Variants in ICAM3 observed in about 807,000 individuals in gnomAD.
ICAM3 encodes the protein ICAM-3.
A neutral mutation model predicts 43.6 loss-of-function variants in ICAM3; 54 were observed. That is an observed-to-expected ratio of 1.24 (90% CI 0.99 to 1.55). The LOEUF (loss-of-function observed/expected upper bound fraction) is 1.55. Ranked by LOEUF, ICAM3 falls within the 40% of genes most tolerant of loss-of-function variation. The pLI, the probability that ICAM3 is intolerant of heterozygous loss-of-function variation, is 0.00. For missense variants in ICAM3, 715 were observed against 717.9 expected, an observed-to-expected ratio of 1.00 and a Z score of 0.05; for synonymous variants, 306 against 312.6, an observed-to-expected ratio of 0.98 and a Z score of 0.22.
chr19:10,334,499 G>C lies in ICAM3; in HGVS notation c.1192+29C>G. 1 of 1,602,144 alleles carries C rather than the reference G, an allele frequency of 6.2e-7. No homozygotes were observed. The highest frequency in any genetic ancestry group is 8.5e-7 in the Non-Finnish European group (1 of 1,172,132). On this transcript the variant is annotated intron_variant, in intron 5 of 6. Coordinates refer to ENST00000160262, the MANE Select transcript of ICAM3 (RefSeq NM_002162.5). This position sits in a 1 kb window ranked among gnomAD's most constrained non-coding sequence, Gnocchi z 5.5. ...CTAATCTTTCCAGGGCAGGGGTGGA[G>C]GGATTAAAGGTCAGGGTGACCGACT...
Position 10,335,248 on chromosome 19 carries a change from G to A in ICAM3, c.755C>T (p.Ala252Val). ...TLDGLFPASE[A>V]QVYLALGDQM... ...GTCCCCCAGCGCCAGGTAGACCTGG[G>A]CCTCTGAGGCTGGAAAAAGCCCGTC... The change falls in exon 4 of 7, where the codon GCC becomes GTC. Residue 252 changes from alanine to valine, a missense_variant. Physicochemically the swap from Ala to Val is moderately conservative, Grantham distance 64 (BLOSUM62 0). Transcript: ENST00000160262. 1 of 1,613,724 alleles carries A rather than the reference G, an allele frequency of 6.2e-7. No homozygotes were observed. Among genetic ancestry groups the A allele is most frequent in the Non-Finnish European group, 8.5e-7 (1 of 1,180,014 alleles).
In ICAM3 at chr19:10,334,579, C is replaced by T. The variant is rs770425434; in HGVS notation, c.1141G>A (p.Val381Met). ...RSFFCSATLE[V>M]DGEFLHRNSS... is the part of the protein sequence containing the mutation. ...TTCCTGTGCAAGAACTCGCCGTCCA[C>T]CTCGAGAGTGGCACTGCAGAAGAAG... is the stretch of plus-strand genomic sequence containing the variant. Residue 381 changes from valine to methionine, a missense_variant, in exon 5 of 7, where the codon GTG becomes ATG. Transcript: ENST00000160262. The surrounding 1 kb of genome is among the most constrained non-coding windows in gnomAD (Gnocchi z 5.5). 6.8e-6 allele frequency: 11 copies of T among 1,613,736 alleles called. No individual in the cohort carries two copies. The highest frequency in any genetic ancestry group is 9.3e-6 in the Non-Finnish European group (11 of 1,179,918).
Position 10,334,933 on chromosome 19 carries a change from G to T in ICAM3, c.937+133C>A. The T allele has an allele frequency of 6.9e-7, 1 of 1,447,962 alleles. No individual in the cohort carries two copies. Among genetic ancestry groups the T allele is most frequent in the Non-Finnish European group, 9.3e-7 (1 of 1,074,618 alleles). 89.7% of individuals were successfully genotyped at this position (1,447,962 alleles called of 1,614,324 possible). On this transcript the variant is annotated intron_variant, in intron 4 of 6. Coordinates refer to ENST00000160262, the MANE Select transcript of ICAM3 (RefSeq NM_002162.5). This position sits in a 1 kb window ranked among gnomAD's most constrained non-coding sequence, Gnocchi z 5.5. ...CTCTTTCCGCGCTGTGTCCAGCTTC[G>T]GGCACTCAGGCCCAACCCACGTTGC...
Position 10,334,420 on chromosome 19 carries a change from C to T in ICAM3, c.1193-12G>A, listed in dbSNP as rs779055550. 1.1e-5 allele frequency: 17 copies of T among 1,613,728 alleles called. No homozygotes were observed. The highest frequency in any genetic ancestry group is 1.3e-5 in the Non-Finnish European group (15 of 1,179,840). On this transcript the variant is annotated splice_polypyrimidine_tract_variant and intron_variant, in intron 5 of 6. Transcript: ENST00000160262. This position sits in a 1 kb window ranked among gnomAD's most constrained non-coding sequence, Gnocchi z 5.5. Reference sequence around the variant, plus strand: ...AATTTTGGGACCATCTGTGGAACCACCATGTGTGATCAGACACCCAACACA... The same window carrying T: ...AATTTTGGGACCATCTGTGGAACCATCATGTGTGATCAGACACCCAACACA...
rs201217111 is a variant in ICAM3 at position 10,334,424 on chromosome 19, G to T, written c.1193-16C>A. On this transcript the variant is annotated splice_polypyrimidine_tract_variant and intron_variant, in intron 5 of 6. Transcript: ENST00000160262. This position sits in a 1 kb window ranked among gnomAD's most constrained non-coding sequence, Gnocchi z 5.5. Reference sequence around the variant, plus strand: ...TTGGGACCATCTGTGGAACCACCATGTGTGATCAGACACCCAACACACCCG... The same window carrying T: ...TTGGGACCATCTGTGGAACCACCATTTGTGATCAGACACCCAACACACCCG... 8.7e-6 allele frequency: 14 copies of T among 1,613,648 alleles called. No individual in the cohort carries two copies. The highest frequency in any genetic ancestry group is 1.1e-5 in the Non-Finnish European group (13 of 1,179,698).
chr19:10,339,302 G>C, intron 1 of ICAM3: 1 of 585,904 alleles, frequency 1.7e-6, no homozygotes, highest in Non-Finnish European at 3.0e-6. Context: ...GATGGAGCAG[G>C]AAGCATGAGG....
At chr19:10,336,259 T>G in intron 2 of ICAM3, 2 of 446,382 alleles carry the variant, frequency 4.5e-6, no homozygotes, top group African/African-American at 1.9e-5. Context: ...TGAACGTTTA[T>G]GACTATGATA....
intron 2 of ICAM3, among the ~76,000 whole-genome samples, chr19:10,337,486 A>C (rs955774468): frequency 9.4e-5 from 13 of 137,870 alleles, no homozygotes; most frequent in Non-Finnish European, 7.8e-5. Context: ...TACTGGAGAG[A>C]CTGAAGTGGG....
chr19:10,334,623 T>C lies in ICAM3; in HGVS notation c.1097A>G (p.Glu366Gly). The C allele has an allele frequency of 2.5e-6, 4 of 1,613,644 alleles. No homozygotes were observed. The highest frequency in any genetic ancestry group is 2.2e-5 in the South Asian group (2 of 91,090). ...GAAGAAGCTGCGTCCGTCGTCACTC[T>C]CGGTAGCATTTAGCTGAAGTTGAGC... ...QPAQLQLNAT[E>G]SDDGRSFFCS... The change falls in exon 5 of 7, where the codon GAG becomes GGG. Residue 366 changes from glutamate (E) to glycine (G), a missense_variant. Glu to Gly is a moderately conservative substitution (Grantham distance 98). Coordinates refer to ENST00000160262, the MANE Select transcript of ICAM3 (RefSeq NM_002162.5). The surrounding 1 kb of genome is among the most constrained non-coding windows in gnomAD (Gnocchi z 5.5).
Position 10,338,854 on chromosome 19 carries a change from A to G in ICAM3, c.171T>C (p.Cys57=). The part of the protein sequence containing the change: ...GSLFVNCSTD[C]PSSEKIALET... ...CCAAGGCGATTTTCTCAGAGCTGGG[A>G]CAATCAGTACTGCAGTTCACAAACA... Residue 57 remains cysteine (C), a synonymous_variant, in exon 2 of 7, where the codon TGT becomes TGC. Coordinates refer to ENST00000160262, the MANE Select transcript of ICAM3 (RefSeq NM_002162.5). 12 of 1,614,166 alleles carry G rather than the reference A, an allele frequency of 7.4e-6. No individual in the cohort carries two copies. Among genetic ancestry groups the G allele is most frequent in the Non-Finnish European group, 1.0e-5 (12 of 1,180,030 alleles).
At position 10,335,361 on chromosome 19, in the gene ICAM3, G is replaced by T. The variant is rs771835740; in HGVS notation, c.650-8C>A. On this transcript the variant is annotated splice_polypyrimidine_tract_variant and splice_region_variant and intron_variant, in intron 3 of 6. Coordinates refer to ENST00000160262, the MANE Select transcript of ICAM3 (RefSeq NM_002162.5). ...GGGGGGTCACGGGCAGGACTGGGGA[G>T]AAAGGTGGGCATAGTACAACCCCCA... 2 of 1,591,258 alleles carry T rather than the reference G, an allele frequency of 1.3e-6. No individual in the cohort carries two copies. Among genetic ancestry groups the T allele is most frequent in the East Asian group, 4.5e-5 (2 of 44,254 alleles).
intron 2 of ICAM3, among the ~76,000 whole-genome samples, chr19:10,337,347 G>C: frequency 6.7e-6 from 1 of 149,972 alleles, no homozygotes; most frequent in South Asian, 2.1e-4. Flanking sequence ...AACCCGGAAG[G>C]CAGAGGTTGC....
Position 10,334,289 on chromosome 19 carries a change from C to A in ICAM3, c.1312G>T (p.Glu438Ter), listed in dbSNP as rs2040557607. 2 of 1,614,220 alleles carry A rather than the reference C, an allele frequency of 1.2e-6. No individual in the cohort carries two copies. Among genetic ancestry groups the A allele is most frequent in the East Asian group, 4.5e-5 (2 of 44,890 alleles). Residue 438 changes from glutamate to a stop codon, truncating the protein, a stop_gained, in exon 6 of 7, where the codon GAA (glutamate) becomes TAA (stop). Coordinates refer to ENST00000160262, the MANE Select transcript of ICAM3 (RefSeq NM_002162.5). LOFTEE classifies it high-confidence loss of function. The surrounding 1 kb of genome is among the most constrained non-coding windows in gnomAD (Gnocchi z 5.5). ...NPYPELRCLK[E>*]GSSREVPVGI... Reference sequence around the variant, plus strand: ...ACCGGCACCTCCCGGCTGGAGCCTTCCTTCAAACACCGCAGCTCGGGGTAC... The same window carrying A: ...ACCGGCACCTCCCGGCTGGAGCCTTACTTCAAACACCGCAGCTCGGGGTAC...
chr19:10,337,620 G>C (rs1196189790), intron 2 of ICAM3, among the ~76,000 whole-genome samples: 2 of 151,900 alleles, frequency 1.3e-5, no homozygotes, highest in African/African-American at 4.8e-5. Flanking sequence ...GACTGAAAGG[G>C]GTACCCCCTT....
chr19:10,335,172 TGTGGCC>T lies in ICAM3; in HGVS notation c.825_830del (p.Thr281_Ala282del), dbSNP rs769226030. ...GATCCGCGCGCGCCGTGGCTGTGGCTGTGGCCGTTAGCGTGTCCCCGTGGTTCATGA... is the reference window on the plus strand; with the variant it reads ...GATCCGCGCGCGCCGTGGCTGTGGCTGTTAGCGTGTCCCCGTGGTTCATGA... On this transcript the variant is annotated inframe_deletion, in exon 4 of 7. Transcript: ENST00000160262. The T allele has an allele frequency of 6.2e-7, 1 of 1,613,622 alleles. No homozygotes were observed. The highest frequency in any genetic ancestry group is 8.5e-7 in the Non-Finnish European group (1 of 1,180,004).
In ICAM3 at chr19:10,334,909, T is replaced by C. The variant is rs2040570681; in HGVS notation, c.938-127A>G. The C allele has an allele frequency of 8.3e-6, 12 of 1,450,146 alleles. No individual in the cohort carries two copies. Among genetic ancestry groups the C allele is most frequent in the Non-Finnish European group, 1.1e-5 (12 of 1,080,652 alleles). 89.8% of individuals were successfully genotyped at this position (1,450,146 alleles called of 1,614,324 possible). The stretch of plus-strand genomic sequence containing the variant: ...GCTTTCGGCCGTTCAAGCCTCGCCC[T>C]CTTTCCGCGCTGTGTCCAGCTTCGG... On this transcript the variant is annotated intron_variant, in intron 4 of 6. Coordinates refer to ENST00000160262, the MANE Select transcript of ICAM3 (RefSeq NM_002162.5). This position sits in a 1 kb window ranked among gnomAD's most constrained non-coding sequence, Gnocchi z 5.5.
chr19:10,333,822 C>A lies in ICAM3; in HGVS notation c.*35G>T. The A allele has an allele frequency of 6.2e-7, 1 of 1,602,218 alleles. No individual in the cohort carries two copies. The highest frequency in any genetic ancestry group is 8.5e-7 in the Non-Finnish European group (1 of 1,169,718). On this transcript the variant is annotated 3_prime_UTR_variant, in exon 7 of 7. Transcript: ENST00000160262. The surrounding 1 kb of genome is among the most constrained non-coding windows in gnomAD (Gnocchi z 4.2). ...TTGGTGCGGAATCTGAGGGCACAGC[C>A]AAGCCCCCGCCAACTTTGATCCCGG...
chr19:10,338,032 G>C (rs1410979707), intron 2 of ICAM3, among the ~76,000 whole-genome samples: 1 of 151,724 alleles, frequency 6.6e-6, no homozygotes, highest in Non-Finnish European at 1.5e-5. Context: ...GGGAGGCAGA[G>C]GTCGCAGTGA....
In ICAM3 at chr19:10,334,781, G is replaced by A; in HGVS notation, c.939C>T (p.Ser313=). ...REARENLTVF[S]FLGPIVNLSE... ...TGAGGTTCACAATGGGTCCTAGGAA[G>A]CCTAAAGGCGGGGCATTGCCCAGGA... The change falls in exon 5 of 7, where the codon AGC becomes AGT. Residue 313 remains serine (S), a splice_region_variant and synonymous_variant. Transcript: ENST00000160262. The surrounding 1 kb of genome is among the most constrained non-coding windows in gnomAD (Gnocchi z 5.5). 2.5e-6 allele frequency: 4 copies of A among 1,582,106 alleles called. No homozygotes were observed. The highest frequency in any genetic ancestry group is 3.4e-6 in the Non-Finnish European group (4 of 1,161,320).
Sources: gnomAD v4.1 joint callset for allele counts (sites outside exome capture counted in the v4.1 genomes callset) on GRCh38, gnomAD v4.1.1 for gene constraint, Gnocchi (gnomAD v3.1) non-coding constraint, MANE v1.5 for transcripts, NCBI Gene and HGNC (gene_info 2026-07-23, HGNC 2026-07-21) for gene names.